Variants in L2HGDH observed in about 807,000 individuals in gnomAD.
L2HGDH encodes L-2-hydroxyglutarate dehydrogenase, mitochondrial.
In L2HGDH, 34 loss-of-function variants were observed where a neutral mutation model predicts 51.5. The observed-to-expected ratio is 0.66, with a 90% CI of 0.50 to 0.88. The LOEUF (loss-of-function observed/expected upper bound fraction) is 0.88, where lower values mean the gene tolerates loss of function less well. Among genes scored for constraint, L2HGDH ranks in the 40% least tolerant of loss-of-function variants. L2HGDH has a pLI of 0.00. For synonymous variants in L2HGDH, 198 were observed against 197.9 expected (o/e 1.00, Z -0.01); for missense variants, 558 against 571.9 (o/e 0.98, Z 0.25).
intron 5 of L2HGDH, 166 bp downstream of exon 5, chr14:50,283,705 T>C (rs1890401975): frequency 3.3e-6 from 2 of 600,508 alleles, no homozygotes; most frequent in Non-Finnish European, 5.7e-6. Flanking sequence ...ATGCTATTTT[T>C]TTGTTATACT....
Position 50,302,242 on chromosome 14 carries a change from T to C in L2HGDH, c.257-74A>G. On this transcript the variant is annotated intron_variant, in intron 2 of 9. Coordinates refer to ENST00000267436, the MANE Select transcript of L2HGDH (RefSeq NM_024884.3). ...AACATAAGAGGTAAGAGAACAAACTTATAGTTGAAGCTATTAGAGACCACA... is the reference window on the plus strand; with the variant it reads ...AACATAAGAGGTAAGAGAACAAACTCATAGTTGAAGCTATTAGAGACCACA... 2.0e-6 allele frequency: 3 copies of C among 1,498,642 alleles called. No individual in the cohort carries two copies. The East Asian group carries it at 6.8e-5, about 34-fold the overall frequency. The allele number at this position is 1,498,642 out of a possible 1,614,324, so 92.8% of individuals were successfully genotyped here. A position where few individuals can be genotyped will look rare whatever the true frequency, so the allele number is the denominator to read the frequency against.
At chr14:50,310,720 A>G (rs946881651) in intron 1 of L2HGDH, among the ~76,000 whole-genome samples, 1 of 151,968 alleles carries the variant, frequency 6.6e-6, no homozygotes, top group South Asian at 2.1e-4. Flanking sequence ...TTTTTTAAAA[A>G]AACATTTTAA....
intron 6 of L2HGDH, among the ~76,000 whole-genome samples, chr14:50,277,637 G>T (rs1052611656): frequency 4.0e-5 from 6 of 151,886 alleles, no homozygotes; most frequent in African/African-American, 1.5e-4. Flanking sequence ...TTAGCCAGGT[G>T]TGGTGGCGGG....
intron 4 of L2HGDH, chr14:50,287,115 A>G (rs1890606358): frequency 1.0e-5 from 9 of 897,362 alleles, no homozygotes; most frequent in Non-Finnish European, 1.2e-5. Context: ...ATAAGACACA[A>G]AAATATGTGT....
At chr14:50,303,146 G>A (rs1448857879) in intron 1 of L2HGDH, 129 bp from the exon 2 acceptor site, 36 of 656,348 alleles carry the variant, frequency 5.5e-5, no homozygotes, top group Non-Finnish European at 9.1e-5. Context: ...TTCGGCGGCC[G>A]GTCGCAGTGG....
chr14:50,281,854 T>G (rs775895556), intron 5 of L2HGDH, among the ~76,000 whole-genome samples: 19 of 152,156 alleles, frequency 1.2e-4, no homozygotes, highest in Non-Finnish European at 1.5e-5. Flanking sequence ...TTTTTGTGTG[T>G]GTGTGTGACG....
intron 6 of L2HGDH, among the ~76,000 whole-genome samples, chr14:50,276,521 A>C (rs1372666624): frequency 6.7e-6 from 1 of 149,064 alleles, no homozygotes; most frequent in Non-Finnish European, 1.5e-5. Flanking sequence ...CTGTATATGG[A>C]AACAGGGCCT....
intron 9 of L2HGDH, among the ~76,000 whole-genome samples, chr14:50,255,983 A>C (rs987537905): frequency 2.0e-5 from 3 of 152,030 alleles, no homozygotes; most frequent in African/African-American, 7.2e-5. Context: ...AGGCTGGGTG[A>C]CAGAGTGAGA....
chr14:50,297,221 C>T (rs2030110484), intron 3 of L2HGDH, among the ~76,000 whole-genome samples: 1 of 152,184 alleles, frequency 6.6e-6, no homozygotes, highest in South Asian at 2.1e-4. Flanking sequence ...ACTTTTACTA[C>T]TTCTGTTCAA....
chr14:50,285,684 T>C (rs1278954949), intron 4 of L2HGDH, among the ~76,000 whole-genome samples: 1 of 152,210 alleles, frequency 6.6e-6, no homozygotes, highest in African/African-American at 2.4e-5. Flanking sequence ...CAATAGTTTT[T>C]TGCAATTCCA....
chr14:50,305,689 C>A (rs931457374), intron 1 of L2HGDH, among the ~76,000 whole-genome samples: 1 of 152,104 alleles, frequency 6.6e-6, no homozygotes, highest in Non-Finnish European at 1.5e-5. Context: ...AAAACACTTA[C>A]AAATACTTAA....
At chr14:50,274,507 T>G (rs1399644362) in intron 6 of L2HGDH, among the ~76,000 whole-genome samples, 1 of 152,138 alleles carries the variant, frequency 6.6e-6, no homozygotes, top group East Asian at 1.9e-4. Context: ...TTGATGGGAA[T>G]GTAAATTGGA....
chr14:50,268,161 T>C (rs1889453469), intron 7 of L2HGDH, among the ~76,000 whole-genome samples: 1 of 152,048 alleles, frequency 6.6e-6, no homozygotes. Context: ...TGAGGATCAT[T>C]TGAGATCTGG....
At chr14:50,284,586 A>T (rs1261342861) in intron 4 of L2HGDH, among the ~76,000 whole-genome samples, 1 of 152,234 alleles carries the variant, frequency 6.6e-6, no homozygotes, top group Non-Finnish European at 1.5e-5. Flanking sequence ...TTATTTTTTT[A>T]GAATAAATGT....
intron 6 of L2HGDH, among the ~76,000 whole-genome samples, chr14:50,273,688 A>T (rs1889817351): frequency 6.6e-6 from 1 of 152,212 alleles, no homozygotes; most frequent in South Asian, 2.1e-4. Context: ...ATTGGAGAAA[A>T]TATTTGCAAA....
intron 9 of L2HGDH, among the ~76,000 whole-genome samples, chr14:50,263,053 A>G (rs1199764991): frequency 1.3e-5 from 2 of 152,258 alleles, no homozygotes; most frequent in Non-Finnish European, 2.9e-5. Flanking sequence ...CAGTTCTACC[A>G]TATGAAATCC....
At chr14:50,266,615 T>A (rs1009064920) in intron 8 of L2HGDH, among the ~76,000 whole-genome samples, 6 of 152,184 alleles carry the variant, frequency 3.9e-5, no homozygotes, top group African/African-American at 1.4e-4. Flanking sequence ...GTCTCAAAAT[T>A]ACAAAACAAA....
chr14:50,247,273 G>C lies in L2HGDH; in HGVS notation c.1197-20C>G. 1 of 1,608,760 alleles carries C rather than the reference G, an allele frequency of 6.2e-7. No homozygotes were observed. The highest frequency in any genetic ancestry group is 8.5e-7 in the Non-Finnish European group (1 of 1,177,034). ...GGGCCCCTGCAAAAGTAAAAGATGG[G>C]AGTCAGCTGACTCAAAGACATAGGA... On this transcript the variant is annotated intron_variant, in intron 9 of 9. Transcript: ENST00000267436.
intron 3 of L2HGDH, among the ~76,000 whole-genome samples, chr14:50,296,372 CAAAAAAAAAA>C (rs59868876): frequency 3.2e-4 from 10 of 31,446 alleles, no homozygotes; most frequent in South Asian, 1.6e-3. Context: ...GACCCTGTCT[CAAAAAAAAAA>C]AAAAAAAAAA....
Sources: gnomAD v4.1 joint callset for allele counts (sites outside exome capture counted in the v4.1 genomes callset) on GRCh38, gnomAD v4.1.1 for gene constraint, MANE v1.5 for transcripts, NCBI Gene and HGNC (gene_info 2026-07-23, HGNC 2026-07-21) for gene names.